Variants in ACSM2B observed in about 807,000 individuals in gnomAD.
The protein encoded by ACSM2B is acyl-CoA synthetase medium chain family member 2B.
Under a neutral mutation model 78.6 loss-of-function variants are expected in ACSM2B, and 58 were observed. The observed-to-expected ratio is 0.74, with a 90% CI of 0.60 to 0.92. The LOEUF (loss-of-function observed/expected upper bound fraction) is 0.92. ACSM2B is among the 40% of genes least tolerant of loss of function. ACSM2B has a pLI of 0.00. For missense variants in ACSM2B, 688 were observed against 711.2 expected (o/e 0.97, Z 0.37); for synonymous variants, 257 against 256.8 (o/e 1.00, Z -0.01).
intron 4 of ACSM2B, among the ~76,000 whole-genome samples, chr16:20,554,331 A>G (rs545309867): frequency 6.6e-6 from 1 of 152,282 alleles, no homozygotes; most frequent in East Asian, 1.9e-4. Flanking sequence ...GGAGGGGTGG[A>G]ATTAATACGA....
chr16:20,542,044 A>G (rs1404922640), intron 12 of ACSM2B: 2 of 151,970 alleles, frequency 1.3e-5, no homozygotes, highest in Non-Finnish European at 2.9e-5. Context: ...GGTAATTATC[A>G]AGTTAGGATA....
chr16:20,571,186 CT>C (rs2016085141), intron 1 of ACSM2B, among the ~76,000 whole-genome samples: 1 of 151,914 alleles, frequency 6.6e-6, no homozygotes, highest in African/African-American at 2.4e-5. Flanking sequence ...CTCTTTCAGA[CT>C]TTTTGATGAA....
At chr16:20,554,713 A>G (rs2015416563) in intron 4 of ACSM2B, among the ~76,000 whole-genome samples, 1 of 152,164 alleles carries the variant, frequency 6.6e-6, no homozygotes, top group Non-Finnish European at 1.5e-5. Context: ...GAGCCTAGAA[A>G]CTTGGTATAT....
chr16:20,555,247 G>A (rs1302563522), intron 4 of ACSM2B, 22 bp downstream of exon 4: 2 of 1,613,708 alleles, frequency 1.2e-6, no homozygotes, highest in South Asian at 1.1e-5. Context: ...TAAAACCCAG[G>A]ATGAGACATG....
Position 20,548,476 on chromosome 16 carries a change from G to A in ACSM2B, c.895-3C>T. The A allele has an allele frequency of 6.2e-7, 1 of 1,613,580 alleles. No individual in the cohort carries two copies. Among genetic ancestry groups the A allele is most frequent in the Middle Eastern group, 1.7e-4 (1 of 6,052 alleles). ...TTGATTGGATAACTGGAGAGTGTCT[G>A]GAAGACAAGAGCCAGGTGAGACATT... On this transcript the variant is annotated splice_polypyrimidine_tract_variant and splice_region_variant and intron_variant, in intron 6 of 13. Transcript: ENST00000329697.
At chr16:20,556,373 G>T (rs2015475111) in intron 3 of ACSM2B, among the ~76,000 whole-genome samples, 1 of 152,166 alleles carries the variant, frequency 6.6e-6, no homozygotes, top group South Asian at 2.1e-4. Flanking sequence ...AGGCCAAGGA[G>T]GGCAGACTAT....
At chr16:20,554,639 T>G (rs928457170) in intron 4 of ACSM2B, among the ~76,000 whole-genome samples, 1 of 152,200 alleles carries the variant, frequency 6.6e-6, no homozygotes, top group African/African-American at 2.4e-5. Flanking sequence ...TTCCATGCTA[T>G]CAACACATGG....
rs12600207 is a variant in ACSM2B at position 20,551,799 on chromosome 16, G to A, written c.894+345C>T. Among the ~76,000 whole-genome samples, 152 of 152,230 alleles carry A rather than the reference G, an allele frequency of 1.0e-3. 4 individuals are homozygous for A. In the East Asian group the frequency reaches 0.021, roughly 21 times the overall value. The stretch of plus-strand genomic sequence containing the variant: ...CACACACACTCATGAGAGCGAGATG[G>A]CATCCCCTCCAATACTCCAGTTTTC... On this transcript the variant is annotated intron_variant, in intron 6 of 13. Transcript: ENST00000329697.
intron 1 of ACSM2B, among the ~76,000 whole-genome samples, chr16:20,567,540 A>G (rs2015954660): frequency 7.6e-6 from 1 of 131,536 alleles, no homozygotes; most frequent in South Asian, 2.1e-4. Flanking sequence ...AATAGTATAT[A>G]ATATATAAAT....
chr16:20,540,718 T>C lies in ACSM2B; in HGVS notation c.1565A>G (p.Gln522Arg). The change falls in exon 13 of 14, where the codon CAG (glutamine) becomes CGG (arginine). Residue 522 changes from glutamine (Q) to arginine (R), a missense_variant. Coordinates refer to ENST00000329697, the MANE Select transcript of ACSM2B (RefSeq NM_001105069.2). ...ATGCTGCTGCAGCTCCTTGGTGAGC[T>C]GTTCTGGGTCATGGGATAGGAACTG... is the stretch of plus-strand genomic sequence containing the variant. ...ASQFLSHDPE[Q>R]LTKELQQHVK... is the part of the protein sequence containing the mutation. 1 of 1,614,146 alleles carries C rather than the reference T, an allele frequency of 6.2e-7. No individual in the cohort carries two copies. Among genetic ancestry groups the C allele is most frequent in the Non-Finnish European group, 8.5e-7 (1 of 1,180,004 alleles).
At chr16:20,547,935 C>T in intron 8 of ACSM2B, 127 bp downstream of exon 8, 1 of 1,538,004 alleles carries the variant, frequency 6.5e-7, no homozygotes, top group South Asian at 1.3e-5. Context: ...CCTGTCCCTT[C>T]ACAGAGGCTC....
chr16:20,543,768 T>C (rs1486282872), intron 10 of ACSM2B, among the ~76,000 whole-genome samples: 2 of 152,112 alleles, frequency 1.3e-5, no homozygotes, highest in Non-Finnish European at 2.9e-5. Context: ...TTATAAGTAA[T>C]GAAAAGGCTT....
chr16:20,560,723 A>G (rs1341224411), intron 2 of ACSM2B, among the ~76,000 whole-genome samples: 2 of 152,104 alleles, frequency 1.3e-5, no homozygotes, highest in African/African-American at 4.8e-5. Flanking sequence ...TGGTCATGGG[A>G]AGAAATTGAA....
At chr16:20,563,354 T>C (rs995954687) in intron 2 of ACSM2B, among the ~76,000 whole-genome samples, 1 of 152,188 alleles carries the variant, frequency 6.6e-6, no homozygotes, top group African/African-American at 2.4e-5. Context: ...TTTTTATTCT[T>C]GGTTTCTACA....
In ACSM2B at chr16:20,537,373, A is replaced by C; in HGVS notation, c.1630-11T>G. 6.2e-7 allele frequency: 1 copy of C among 1,613,566 alleles called. No homozygotes were observed. On this transcript the variant is annotated splice_polypyrimidine_tract_variant and intron_variant, in intron 13 of 13. Coordinates refer to ENST00000329697, the MANE Select transcript of ACSM2B (RefSeq NM_001105069.2). ...CAAGACAAACTCTATCTGTTGAAAA[A>C]CAAATCAGTCCAGGGTGGGTGATCT...
At chr16:20,566,755 T>C (rs1291102718) in intron 1 of ACSM2B, among the ~76,000 whole-genome samples, 1 of 83,998 alleles carries the variant, frequency 1.2e-5, no homozygotes, top group Admixed American at 1.8e-4. Context: ...ATATACTATA[T>C]ATAGTATATA....
Position 20,552,288 on chromosome 16 carries a change from G to T in ACSM2B, c.750C>A (p.Gly250=), listed in dbSNP as rs757786864. 3.1e-6 allele frequency: 5 copies of T among 1,609,308 alleles called. No individual in the cohort carries two copies. Among genetic ancestry groups the T allele is most frequent in the East Asian group, 4.5e-5 (2 of 44,868 alleles). Residue 250 remains glycine, a synonymous_variant, in exon 6 of 14, where the codon GGC becomes GGA. Coordinates refer to ENST00000329697, the MANE Select transcript of ACSM2B (RefSeq NM_001105069.2). ...TCCACATTATATCAGAGGCTTGCAG[G>T]CCTGTCCAACTGAAAACACAGACAA... is the stretch of plus-strand genomic sequence containing the variant. The part of the protein sequence containing the change: ...LKAKMDAGWT[G]LQASDIMWTI...
At chr16:20,538,095 G>A (rs1246755567) in intron 13 of ACSM2B, among the ~76,000 whole-genome samples, 2 of 152,102 alleles carry the variant, frequency 1.3e-5, no homozygotes, top group Non-Finnish European at 1.5e-5. Flanking sequence ...AGTTGCCATG[G>A]CATTGATTTA....
At chr16:20,562,476 G>A (rs564895724) in intron 2 of ACSM2B, among the ~76,000 whole-genome samples, 29 of 152,264 alleles carry the variant, frequency 1.9e-4, no homozygotes, top group African/African-American at 6.7e-4. Context: ...CTTGCTAATA[G>A]AGTTGTTAAA....
Sources: gnomAD v4.1 joint callset for allele counts (sites outside exome capture counted in the v4.1 genomes callset) on GRCh38, gnomAD v4.1.1 for gene constraint, MANE v1.5 for transcripts, NCBI Gene and HGNC (gene_info 2026-07-23, HGNC 2026-07-21) for gene names.